The following PLCB4 variants were observed in gnomAD, a reference collection of about 807,000 sequenced individuals.
PLCB4 encodes phospholipase C beta 4, also known as 1-phosphatidylinositol 4,5-bisphosphate phosphodiesterase beta-4.
A neutral mutation model predicts 178.8 loss-of-function variants in PLCB4; 77 were observed. That is an observed-to-expected ratio of 0.43 (90% CI 0.36 to 0.52). PLCB4 has a LOEUF of 0.52. Among genes scored for constraint, PLCB4 ranks in the 20% least tolerant of loss-of-function variants. PLCB4 has a pLI of 0.00. For missense variants in PLCB4, 1,024 were observed against 1,453.4 expected, an observed-to-expected ratio of 0.70 and a Z score of 4.80; for synonymous variants, 496 against 490.8, an observed-to-expected ratio of 1.01 and a Z score of -0.14.
At chr20:9,128,566 G>A (rs1240916404) in intron 2 of PLCB4, among the ~76,000 whole-genome samples, 1 of 152,172 alleles carries the variant, frequency 6.6e-6, no homozygotes, top group African/African-American at 2.4e-5. Flanking sequence ...TGTATTTTTA[G>A]TAGAAACGGG....
intron 3 of PLCB4, among the ~76,000 whole-genome samples, chr20:9,238,357 G>A (rs942689256): frequency 1.3e-5 from 2 of 152,168 alleles, no homozygotes; most frequent in Admixed American, 6.5e-5. Context: ...CTGGTCAGTG[G>A]GTGCAGGCTG....
chr20:9,445,873 C>T (rs2042384850), intron 32 of PLCB4, among the ~76,000 whole-genome samples: 1 of 152,168 alleles, frequency 6.6e-6, no homozygotes, highest in Non-Finnish European at 1.5e-5. Context: ...AGAGTGGATG[C>T]CCGTATGCTG....
intron 1 of PLCB4, among the ~76,000 whole-genome samples, chr20:9,074,280 C>T (rs1476120905): frequency 6.6e-6 from 1 of 152,190 alleles, no homozygotes; most frequent in Non-Finnish European, 1.5e-5. Context: ...GCTGCTACTA[C>T]AGGTGCTCAA....
intron 3 of PLCB4, among the ~76,000 whole-genome samples, chr20:9,295,895 A>G (rs146591662): frequency 6.6e-6 from 1 of 152,168 alleles, no homozygotes; most frequent in African/African-American, 2.4e-5. Context: ...ACCTAAAACC[A>G]TAAAAACTGT....
At chr20:9,334,185 G>A (rs974305265) in intron 4 of PLCB4, among the ~76,000 whole-genome samples, 5 of 152,128 alleles carry the variant, frequency 3.3e-5, no homozygotes, top group Non-Finnish European at 5.9e-5. Flanking sequence ...AGGTAATGGA[G>A]CACAACCAGG....
At chr20:9,235,909 C>G (rs2093988022) in intron 3 of PLCB4, among the ~76,000 whole-genome samples, 1 of 152,184 alleles carries the variant, frequency 6.6e-6, no homozygotes, top group South Asian at 2.1e-4. Context: ...TTTATCTATT[C>G]CAGGCCAGAT....
chr20:9,169,519 G>A (rs961924428), intron 2 of PLCB4, among the ~76,000 whole-genome samples: 1 of 151,728 alleles, frequency 6.6e-6, no homozygotes, highest in African/African-American at 2.4e-5. Flanking sequence ...GAAACGGGAG[G>A]CAGAGGTTGC....
intron 2 of PLCB4, among the ~76,000 whole-genome samples, chr20:9,114,151 TTGTAGTGAGCTGAGA>T (rs2091698227): frequency 6.6e-6 from 1 of 151,712 alleles, no homozygotes; most frequent in Non-Finnish European, 1.5e-5. Context: ...GAGGCAGAGG[TTGTAGTGAGCTGAGA>T]TCATGCCATT....
chr20:9,354,841 T>G (rs1374034921), intron 7 of PLCB4, among the ~76,000 whole-genome samples: 3 of 152,172 alleles, frequency 2.0e-5, no homozygotes, highest in Admixed American at 6.5e-5. Context: ...AACTCTGTGG[T>G]TCACAAATGC....
At chr20:9,477,112 CAATT>C (rs769251291) in intron 39 of PLCB4, among the ~76,000 whole-genome samples, 37 of 152,062 alleles carry the variant, frequency 2.4e-4, no homozygotes, top group Admixed American at 3.9e-4. Context: ...AATATGACTC[CAATT>C]AATTTTTAAA....
At chr20:9,194,261 G>C (rs556676394) in intron 2 of PLCB4, among the ~76,000 whole-genome samples, 164 of 152,258 alleles carry the variant, frequency 1.1e-3, no homozygotes, top group African/African-American at 3.7e-3. Flanking sequence ...CTAATTAATA[G>C]ATAGGCCTTA....
At chr20:9,101,846 C>CTTTTTTT (rs112396041) in intron 2 of PLCB4, among the ~76,000 whole-genome samples, 1 of 135,842 alleles carries the variant, frequency 7.4e-6, no homozygotes, top group East Asian at 2.1e-4. Flanking sequence ...TGTAAATCAG[C>CTTTTTTT]TTTTTTTTTT....
chr20:9,170,444 A>C (rs1022545503), intron 2 of PLCB4, among the ~76,000 whole-genome samples: 2 of 152,130 alleles, frequency 1.3e-5, no homozygotes, highest in African/African-American at 2.4e-5. Context: ...CTGGTGAGAT[A>C]ACATAAATAG....
chr20:9,310,766 G>A (rs1468171517), intron 4 of PLCB4, among the ~76,000 whole-genome samples: 1 of 152,048 alleles, frequency 6.6e-6, no homozygotes, highest in Non-Finnish European at 1.5e-5. Flanking sequence ...CAGTCAGTAG[G>A]TGGGGGAAAA....
chr20:9,402,303 G>T (rs943578394), intron 20 of PLCB4, among the ~76,000 whole-genome samples: 2 of 152,228 alleles, frequency 1.3e-5, no homozygotes, highest in Non-Finnish European at 2.9e-5. Context: ...AGGGTCAAGA[G>T]GAATTGGCCA....
At chr20:9,336,994 A>G (rs931612265) in intron 4 of PLCB4, 132 bp from the exon 5 acceptor site, 2 of 644,056 alleles carry the variant, frequency 3.1e-6, no homozygotes, top group Non-Finnish European at 5.6e-6. Context: ...ACATTCCATA[A>G]TACAATAAGA....
intron 27 of PLCB4, among the ~76,000 whole-genome samples, chr20:9,421,784 T>C (rs2040657680): frequency 6.6e-6 from 1 of 152,186 alleles, no homozygotes; most frequent in Admixed American, 6.5e-5. Context: ...AAGTTACTGG[T>C]AACTTACACT....
At chr20:9,394,565 A>G (rs2038416147) in intron 18 of PLCB4, among the ~76,000 whole-genome samples, 1 of 152,154 alleles carries the variant, frequency 6.6e-6, no homozygotes, top group Non-Finnish European at 1.5e-5. Context: ...TGTATGAAAC[A>G]CTATATAGAA....
rs180988755 is a variant in PLCB4 at position 9,300,819 on chromosome 20, T to G, written c.-15-6981T>G. Among the ~76,000 whole-genome samples, 6 of 152,218 alleles carry G rather than the reference T, an allele frequency of 3.9e-5. No individual in the cohort carries two copies. The East Asian group carries it at 1.2e-3, about 30-fold the overall frequency. ...AACTTTTTAGTTCTTTTAAGAAAGGTGTTCAGCTTCAGGGGGCCCAATATA... is the reference window on the plus strand; with the variant it reads ...AACTTTTTAGTTCTTTTAAGAAAGGGGTTCAGCTTCAGGGGGCCCAATATA... On this transcript the variant is annotated intron_variant, in intron 3 of 39. Coordinates refer to ENST00000378473, the MANE Select transcript of PLCB4 (RefSeq NM_001377142.1).
Sources: gnomAD v4.1 joint callset for allele counts (sites outside exome capture counted in the v4.1 genomes callset) on GRCh38, gnomAD v4.1.1 for gene constraint, MANE v1.5 for transcripts, NCBI Gene and HGNC (gene_info 2026-07-23, HGNC 2026-07-21) for gene names.